The following IQCM variants were observed in gnomAD, a reference collection of about 807,000 sequenced individuals.
IQCM encodes the protein IQ motif containing M.
A neutral mutation model predicts 57.6 loss-of-function variants in IQCM; 45 were observed. The observed-to-expected ratio is 0.78, with a 90% CI of 0.62 to 1.00. IQCM has a LOEUF of 1.00. Ranked by LOEUF, IQCM falls within the 50% of genes least tolerant of loss-of-function variation. IQCM has a pLI of 0.00. For missense variants in IQCM, 468 were observed against 511.6 expected (o/e 0.91, Z 0.82); for synonymous variants, 148 against 158.9 (o/e 0.93, Z 0.51).
intron 13 of IQCM, among the ~76,000 whole-genome samples, chr4:149,409,567 A>T (rs1283523665): frequency 6.6e-6 from 1 of 152,236 alleles, no homozygotes; most frequent in Non-Finnish European, 1.5e-5. Context: ...CCCTTTTTGA[A>T]GTCAGTTGGA....
At chr4:149,418,261 T>C (rs1490873873) in intron 13 of IQCM, among the ~76,000 whole-genome samples, 1 of 151,636 alleles carries the variant, frequency 6.6e-6, no homozygotes, top group African/African-American at 2.4e-5. Context: ...ATAAAGGGGA[T>C]ATTACCACTG....
intron 12 of IQCM, among the ~76,000 whole-genome samples, chr4:149,528,976 G>T (rs1051801961): frequency 6.6e-6 from 1 of 152,018 alleles, no homozygotes; most frequent in Non-Finnish European, 1.5e-5. Flanking sequence ...TGAAAAAGTA[G>T]CAATAAAGCA....
intron 12 of IQCM, among the ~76,000 whole-genome samples, chr4:149,477,314 G>T (rs917379949): frequency 1.3e-5 from 2 of 152,068 alleles, no homozygotes; most frequent in Non-Finnish European, 2.9e-5. Context: ...TGACGCTCAG[G>T]CCTTTTCTGA....
intron 12 of IQCM, among the ~76,000 whole-genome samples, chr4:149,453,350 C>T (rs1212225270): frequency 6.6e-6 from 1 of 151,454 alleles, no homozygotes; most frequent in Admixed American, 6.6e-5. Context: ...GACAAAAACT[C>T]GGTAAACTGC....
At chr4:149,478,759 G>C (rs1283039552) in intron 12 of IQCM, among the ~76,000 whole-genome samples, 1 of 152,068 alleles carries the variant, frequency 6.6e-6, no homozygotes, top group South Asian at 2.1e-4. Context: ...TCTTTCTAGG[G>C]ACTCCTAGGA....
intron 12 of IQCM, among the ~76,000 whole-genome samples, chr4:149,434,885 C>T (rs1579046055): frequency 6.6e-6 from 1 of 152,030 alleles, no homozygotes; most frequent in African/African-American, 2.4e-5. Flanking sequence ...TCCACCAGTG[C>T]AGCACCTTCC....
intron 7 of IQCM, among the ~76,000 whole-genome samples, chr4:149,671,403 T>C (rs1761270174): frequency 6.6e-6 from 1 of 152,186 alleles, no homozygotes; most frequent in African/African-American, 2.4e-5. Context: ...TGTCTATCAA[T>C]TGTGTTGATC....
chr4:149,526,746 A>G (rs1261032188), intron 12 of IQCM, among the ~76,000 whole-genome samples: 1 of 152,098 alleles, frequency 6.6e-6, no homozygotes, highest in East Asian at 1.9e-4. Flanking sequence ...CTATGAAAAA[A>G]TATTTTATGG....
intron 5 of IQCM, among the ~76,000 whole-genome samples, chr4:149,696,241 G>A (rs1349905397): frequency 6.6e-6 from 1 of 152,068 alleles, no homozygotes; most frequent in Non-Finnish European, 1.5e-5. Flanking sequence ...ACAAGTATTT[G>A]TCAGCTTTTT....
At chr4:149,492,450 A>C (rs1169219338) in intron 12 of IQCM, among the ~76,000 whole-genome samples, 1 of 152,112 alleles carries the variant, frequency 6.6e-6, no homozygotes, top group African/African-American at 2.4e-5. Context: ...AGCATCTACA[A>C]ACTAAGCCCT....
chr4:149,572,454 T>C (rs997914724), intron 9 of IQCM, among the ~76,000 whole-genome samples: 1 of 151,786 alleles, frequency 6.6e-6, no homozygotes, highest in South Asian at 2.1e-4. Flanking sequence ...GCCTGGCTCA[T>C]TTTTCTTTTA....
intron 13 of IQCM, among the ~76,000 whole-genome samples, chr4:149,367,277 C>T (rs543375536): frequency 6.6e-6 from 1 of 151,980 alleles, no homozygotes; most frequent in Admixed American, 6.6e-5. Context: ...TATATGTATG[C>T]CCTGTATACA....
intron 13 of IQCM, among the ~76,000 whole-genome samples, chr4:149,384,057 T>C (rs1731254865): frequency 6.6e-6 from 1 of 152,220 alleles, no homozygotes; most frequent in Admixed American, 6.5e-5. Context: ...ATAAAAAGTA[T>C]ATCTTCTCAT....
chr4:149,530,366 G>T (rs1012880576), intron 12 of IQCM, among the ~76,000 whole-genome samples: 2 of 152,112 alleles, frequency 1.3e-5, no homozygotes, highest in Admixed American at 1.3e-4. Context: ...GAACCTTGAA[G>T]AACATACAAC....
intron 12 of IQCM, among the ~76,000 whole-genome samples, chr4:149,500,471 C>T (rs1743124696): frequency 6.6e-6 from 1 of 152,034 alleles, no homozygotes; most frequent in African/African-American, 2.4e-5. Flanking sequence ...TATTCAGACC[C>T]AGATTACTGA....
chr4:149,412,745 C>T (rs1022057234), intron 13 of IQCM, among the ~76,000 whole-genome samples: 1 of 152,150 alleles, frequency 6.6e-6, no homozygotes, highest in Admixed American at 6.5e-5. Context: ...TCAGAGGAGG[C>T]AGCAACTACA....
At chr4:149,668,444 G>A (rs1050941003) in intron 7 of IQCM, among the ~76,000 whole-genome samples, 3 of 152,118 alleles carry the variant, frequency 2.0e-5, no homozygotes, top group Non-Finnish European at 4.4e-5. Context: ...ATATGGAAAG[G>A]AAAACTGGTA....
chr4:149,410,732 A>G (rs1306237667), intron 13 of IQCM, among the ~76,000 whole-genome samples: 1 of 151,940 alleles, frequency 6.6e-6, no homozygotes, highest in African/African-American at 2.4e-5. Context: ...TCAGACTTCT[A>G]TCTTTATCTA....
intron 2 of IQCM, chr4:149,793,657 T>C (rs1434658344): frequency 6.6e-6 from 1 of 152,206 alleles, no homozygotes; most frequent in Non-Finnish European, 1.5e-5. Context: ...ATGGATTTTA[T>C]ACATTAGTCA....
Sources: gnomAD v4.1 joint callset for allele counts (sites outside exome capture counted in the v4.1 genomes callset) on GRCh38, gnomAD v4.1.1 for gene constraint, MANE v1.5 for transcripts, NCBI Gene and HGNC (gene_info 2026-07-23, HGNC 2026-07-21) for gene names.